The following TENT5D variants were observed in gnomAD, a reference collection of about 807,000 sequenced individuals.
TENT5D encodes the protein terminal nucleotidyltransferase 5D.
For missense variants in TENT5D, 191 were observed against 287.0 expected (o/e 0.67, Z 2.42); for synonymous variants, 103 against 100.6 (o/e 1.02, Z -0.15).
chrX:80,401,917 T>C (rs928732417), intron 3 of TENT5D, among the ~76,000 whole-genome samples: 26 of 112,054 alleles, frequency 2.3e-4, no homozygotes, highest in Admixed American at 8.5e-4. Flanking sequence ...TCTGGCCTTA[T>C]ATAGTTTGGA....
chrX:80,411,866 C>A (rs902987385), intron 3 of TENT5D, among the ~76,000 whole-genome samples: 1 of 111,802 alleles, frequency 8.9e-6, no homozygotes, highest in Non-Finnish European at 1.9e-5. Context: ...GTGCAAACTG[C>A]CAGTGGAGCT....
chrX:80,426,555 CT>C lies in TENT5D; in HGVS notation c.-142+5994del, dbSNP rs1337371926. Among the ~76,000 whole-genome samples, 6 of 111,663 alleles carry C rather than the reference CT, an allele frequency of 5.4e-5. No individual in the cohort carries two copies. In the South Asian group the frequency reaches 1.9e-3, roughly 35 times the overall value. On this transcript the variant is annotated intron_variant, in intron 1 of 2. Transcript: ENST00000308293. ...ACCTTGTTGTGCTTTTATTTTAATG[CT>C]TAACTTAAAGAAAAATCTATGTAAT... is the stretch of plus-strand genomic sequence containing the variant.
At chrX:80,428,607 C>T (rs1932027532) in intron 1 of TENT5D, among the ~76,000 whole-genome samples, 3 of 112,220 alleles carry the variant, frequency 2.7e-5, no homozygotes, top group Admixed American at 9.4e-5. Context: ...TTGAGTTTTA[C>T]GTTCTTAAGT....
intron 1 of TENT5D, among the ~76,000 whole-genome samples, chrX:80,434,103 C>T (rs1423660471): frequency 9.4e-6 from 1 of 106,704 alleles, no homozygotes; most frequent in Non-Finnish European, 1.9e-5. Flanking sequence ...TACCACTGCA[C>T]TCCAGCCTGG....
chrX:80,395,854 C>A (rs1032857349), intron 3 of TENT5D, among the ~76,000 whole-genome samples: 1 of 104,548 alleles, frequency 9.6e-6, no homozygotes, highest in Admixed American at 1.1e-4. Context: ...CCTCACTTCC[C>A]CCTACTCTTC....
intron 3 of TENT5D, among the ~76,000 whole-genome samples, chrX:80,369,291 A>T (rs920842354): frequency 8.9e-6 from 1 of 112,439 alleles, no homozygotes; most frequent in African/African-American, 3.2e-5. Flanking sequence ...GATGTTTCAT[A>T]GCACATGCAA....
At chrX:80,337,863 C>G (rs1406125578) in intron 2 of TENT5D, among the ~76,000 whole-genome samples, 1 of 110,264 alleles carries the variant, frequency 9.1e-6, no homozygotes, top group Non-Finnish European at 1.9e-5. Flanking sequence ...TTCCTGGGTT[C>G]AAGAGATTCT....
intron 3 of TENT5D, among the ~76,000 whole-genome samples, chrX:80,397,286 C>G (rs1931289483): frequency 1.9e-5 from 2 of 107,917 alleles, no homozygotes; most frequent in Admixed American, 9.7e-5. Context: ...CCTCACATCC[C>G]AGACGGGGTG....
chrX:80,441,179 C>A (rs1932275995), intron 2 of TENT5D, among the ~76,000 whole-genome samples: 1 of 111,063 alleles, frequency 9.0e-6, no homozygotes, highest in Non-Finnish European at 1.9e-5. Context: ...AAACAAGCAT[C>A]CTATTTCATG....
At chrX:80,337,160 T>C (rs1166847132) in intron 2 of TENT5D, among the ~76,000 whole-genome samples, 1 of 112,176 alleles carries the variant, frequency 8.9e-6, no homozygotes, top group Admixed American at 9.5e-5. Context: ...AGTAAAACTT[T>C]TTATTATAGA....
chrX:80,437,502 G>T (rs774234096), intron 1 of TENT5D, among the ~76,000 whole-genome samples: 1 of 111,241 alleles, frequency 9.0e-6, no homozygotes, highest in Admixed American at 9.6e-5. Flanking sequence ...ACTATTCAGG[G>T]TATTCTACGA....
At chrX:80,443,867 A>G in exon 3 of TENT5D, 2 of 482,197 alleles carry the variant, frequency 4.1e-6, no homozygotes, top group Non-Finnish European at 6.7e-6. Context: ...ATTTTTGATC[A>G]ATTAAGCCAT....
intron 3 of TENT5D, among the ~76,000 whole-genome samples, chrX:80,376,133 G>A (rs1930721754): frequency 9.1e-6 from 1 of 110,038 alleles, no homozygotes; most frequent in African/African-American, 3.3e-5. Context: ...TTCACTACTT[G>A]TAGTAATTAA....
At chrX:80,398,130 CTTA>C (rs1931321627) in intron 3 of TENT5D, among the ~76,000 whole-genome samples, 1 of 112,006 alleles carries the variant, frequency 8.9e-6, no homozygotes, top group Admixed American at 9.4e-5. Flanking sequence ...GAGATGATAC[CTTA>C]TTATGATTTT....
At chrX:80,426,870 G>T (rs1484529139) in intron 1 of TENT5D, among the ~76,000 whole-genome samples, 1 of 111,718 alleles carries the variant, frequency 9.0e-6, no homozygotes, top group African/African-American at 3.3e-5. Context: ...TCCACATGTT[G>T]TGGAAGTGAC....
chrX:80,401,236 T>C (rs1423997057), intron 3 of TENT5D, among the ~76,000 whole-genome samples: 1 of 111,921 alleles, frequency 8.9e-6, no homozygotes, highest in East Asian at 2.8e-4. Flanking sequence ...TGTAGAGAAA[T>C]GCTACCAATT....
At chrX:80,358,235 C>A (rs1433078614) in intron 3 of TENT5D, among the ~76,000 whole-genome samples, 1 of 110,437 alleles carries the variant, frequency 9.1e-6, no homozygotes, top group Non-Finnish European at 1.9e-5. Flanking sequence ...TAGGCAATAC[C>A]ATTCAGGACA....
upstream of TENT5D, among the ~76,000 whole-genome samples, chrX:80,418,393 C>T (rs1489588142): frequency 1.8e-5 from 2 of 111,261 alleles, no homozygotes; most frequent in Non-Finnish European, 3.8e-5. Flanking sequence ...CTCAACAGAT[C>T]CTCTTGCTTC....
At chrX:80,393,140 T>C (rs1422249127) in intron 3 of TENT5D, among the ~76,000 whole-genome samples, 1 of 110,472 alleles carries the variant, frequency 9.1e-6, no homozygotes, top group African/African-American at 3.3e-5. Context: ...TGTCTCGGTG[T>C]GTGTATGTGA....
Sources: allele counts gnomAD v4.1 joint callset (sites outside exome capture counted in the v4.1 genomes callset), GRCh38; gene constraint gnomAD v4.1.1; transcripts MANE v1.5; gene names NCBI Gene and HGNC (gene_info 2026-07-23, HGNC 2026-07-21).